Variants in SLC35F4 observed in about 807,000 individuals in gnomAD.
The protein encoded by SLC35F4 is solute carrier family 35 member F4.
Under a neutral mutation model 44.2 loss-of-function variants are expected in SLC35F4, and 24 were observed. The ratio of observed to expected loss-of-function variants is 0.54; its 90% CI spans 0.39 to 0.76. The LOEUF (loss-of-function observed/expected upper bound fraction) is 0.76, where lower values mean the gene tolerates loss of function less well. Ranked by LOEUF, SLC35F4 falls within the 30% of genes least tolerant of loss-of-function variation. The pLI is 0.00. For missense variants in SLC35F4, 562 were observed against 586.1 expected (o/e 0.96, Z 0.42); for synonymous variants, 238 against 223.6 (o/e 1.06, Z -0.57).
chr14:57,791,773 A>C (rs570739794), intron 1 of SLC35F4, among the ~76,000 whole-genome samples: 1 of 152,348 alleles, frequency 6.6e-6, no homozygotes, highest in African/African-American at 2.4e-5. Flanking sequence ...ACCGTAGAAT[A>C]CTATGCAGCT....
At chr14:57,723,289 T>G (rs1482086466) in intron 1 of SLC35F4, among the ~76,000 whole-genome samples, 1 of 152,180 alleles carries the variant, frequency 6.6e-6, no homozygotes, top group Non-Finnish European at 1.5e-5. Context: ...GCTCCCTGAC[T>G]GGTATTATGG....
chr14:57,585,426 C>T (rs111420306), intron 3 of SLC35F4, among the ~76,000 whole-genome samples: 10,611 of 152,114 alleles, frequency 0.07, 1,072 homozygotes, highest in African/African-American at 0.22. Flanking sequence ...CTTTGAAAAC[C>T]GGTCCAAGAA....
rs553432400 is a variant in SLC35F4, at chr14:57,794,346, C to T, written c.103+71377G>A. Among the ~76,000 whole-genome samples, 7 of 151,986 alleles carry T rather than the reference C, an allele frequency of 4.6e-5. No individual in the cohort carries two copies. The South Asian group carries it at 8.3e-4, about 18-fold the overall frequency. ...GAATTGACAAGGAACTCAGAGAAAC[C>T]AGCAAGAAAAAATAATCCCAAGAAA... On this transcript the variant is annotated intron_variant, in intron 1 of 7. Coordinates refer to ENST00000556826, the MANE Select transcript of SLC35F4 (RefSeq NM_001306087.2).
intron 1 of SLC35F4, among the ~76,000 whole-genome samples, chr14:57,893,950 G>T (rs1308438564): frequency 6.6e-6 from 1 of 151,994 alleles, no homozygotes; most frequent in Non-Finnish European, 1.5e-5. Flanking sequence ...AAAGTATTTT[G>T]GTTTAATTTT....
chr14:57,717,114 C>A lies in SLC35F4; in HGVS notation c.104-122990G>T, dbSNP rs185861639. Among the ~76,000 whole-genome samples the A allele has an allele frequency of 4.1e-4, 62 of 152,160 alleles. 2 individuals carry two copies. In the East Asian group the frequency reaches 0.012, roughly 29 times the overall value. ...TTCATTATCCTTTTATGTAGATGAA[C>A]CCTTAGGTTAATTTCATATCTTGAT... On this transcript the variant is annotated intron_variant, in intron 1 of 7. Coordinates refer to ENST00000556826, the MANE Select transcript of SLC35F4 (RefSeq NM_001306087.2).
intron 1 of SLC35F4, among the ~76,000 whole-genome samples, chr14:57,953,739 T>C (rs1294368347): frequency 6.6e-6 from 1 of 152,160 alleles, no homozygotes; most frequent in Non-Finnish European, 1.5e-5. Flanking sequence ...GTCCTAAATA[T>C]ATATGCACCC....
At chr14:57,586,293 G>A (rs1034315290) in intron 3 of SLC35F4, among the ~76,000 whole-genome samples, 10 of 152,084 alleles carry the variant, frequency 6.6e-5, no homozygotes, top group South Asian at 2.1e-4. Flanking sequence ...AACTGAAACT[G>A]GACCCCTTCC....
chr14:57,951,400 AC>A (rs1890137672), intron 1 of SLC35F4, among the ~76,000 whole-genome samples: 1 of 151,736 alleles, frequency 6.6e-6, no homozygotes, highest in Non-Finnish European at 1.5e-5. Context: ...TTTTTTTCAT[AC>A]CCCAGTGGTG....
At chr14:57,713,176 G>A (rs2075854689) in intron 1 of SLC35F4, among the ~76,000 whole-genome samples, 2 of 152,082 alleles carry the variant, frequency 1.3e-5, no homozygotes, top group Admixed American at 1.3e-4. Flanking sequence ...CTTATTATCT[G>A]TCACCTGAAC....
chr14:57,732,881 CTT>C (rs2076376893), intron 1 of SLC35F4, among the ~76,000 whole-genome samples: 1 of 152,094 alleles, frequency 6.6e-6, no homozygotes, highest in African/African-American at 2.4e-5. Context: ...AAATAAAAGA[CTT>C]GACTTCAAAA....
intron 1 of SLC35F4, among the ~76,000 whole-genome samples, chr14:57,937,620 GA>G (rs1180891569): frequency 9.4e-5 from 12 of 128,002 alleles, no homozygotes; most frequent in Non-Finnish European, 1.7e-4. Context: ...GAAAAGAAAA[GA>G]AAAGAAAAGA....
intron 1 of SLC35F4, among the ~76,000 whole-genome samples, chr14:57,669,918 C>T (rs930611272): frequency 6.6e-6 from 1 of 152,006 alleles, no homozygotes. Context: ...CCAGCTCCTC[C>T]TTATACCTCT....
chr14:57,699,474 T>C (rs1479875477), intron 1 of SLC35F4, among the ~76,000 whole-genome samples: 4 of 152,180 alleles, frequency 2.6e-5, no homozygotes, highest in African/African-American at 9.6e-5. Context: ...CGTGCAAGAA[T>C]TTCTTGTCAC....
intron 1 of SLC35F4, among the ~76,000 whole-genome samples, chr14:57,684,991 G>A (rs572363415): frequency 7.4e-4 from 113 of 152,232 alleles, no homozygotes; most frequent in African/African-American, 2.5e-3. Context: ...GGTCTTAAGT[G>A]TATATCAGAA....
intron 1 of SLC35F4, among the ~76,000 whole-genome samples, chr14:57,859,185 G>C (rs1566910448): frequency 6.6e-6 from 1 of 151,976 alleles, no homozygotes; most frequent in Non-Finnish European, 1.5e-5. Flanking sequence ...GGAAAAGCTG[G>C]ACTAAAAATT....
At chr14:57,876,915 C>G (rs911241603) in intron 1 of SLC35F4, among the ~76,000 whole-genome samples, 6 of 152,150 alleles carry the variant, frequency 3.9e-5, no homozygotes, top group African/African-American at 1.4e-4. Context: ...TAAATAGCAG[C>G]AAATCCTGTA....
At chr14:57,820,698 C>T (rs1438304351) in intron 1 of SLC35F4, among the ~76,000 whole-genome samples, 1 of 152,206 alleles carries the variant, frequency 6.6e-6, no homozygotes, top group Non-Finnish European at 1.5e-5. Flanking sequence ...ACAGATAAAA[C>T]TTCTCAAGGT....
chr14:57,815,771 GAGA>G (rs1882496394), intron 1 of SLC35F4, among the ~76,000 whole-genome samples: 1 of 152,080 alleles, frequency 6.6e-6, no homozygotes, highest in African/African-American at 2.4e-5. Flanking sequence ...TTGACTAGCC[GAGA>G]AGACCAGTGT....
chr14:57,753,078 G>A (rs945486990), intron 1 of SLC35F4, among the ~76,000 whole-genome samples: 1 of 152,220 alleles, frequency 6.6e-6, no homozygotes, highest in Admixed American at 6.5e-5. Flanking sequence ...GGAGAGAAGA[G>A]AGATTTTGCT....
Sources: allele counts gnomAD v4.1 joint callset (sites outside exome capture counted in the v4.1 genomes callset), GRCh38; gene constraint gnomAD v4.1.1; transcripts MANE v1.5; gene names NCBI Gene and HGNC (gene_info 2026-07-23, HGNC 2026-07-21).